Variants in CFLAR observed in about 807,000 individuals in gnomAD.
CFLAR encodes the protein CASP8 and FADD-like apoptosis regulator.
A neutral mutation model predicts 51.1 loss-of-function variants in CFLAR; 14 were observed. That is an observed-to-expected ratio of 0.27 (90% CI 0.18 to 0.43). The LOEUF (loss-of-function observed/expected upper bound fraction) is 0.43. Among genes scored for constraint, CFLAR ranks in the 20% least tolerant of loss-of-function variants. The probability of loss-of-function intolerance (pLI) is 1.00; values close to 1 mark genes in which losing one functional copy is unlikely to be tolerated. For missense variants in CFLAR, 390 were observed against 566.5 expected, an observed-to-expected ratio of 0.69 and a Z score of 3.16; for synonymous variants, 210 against 211.6, an observed-to-expected ratio of 0.99 and a Z score of 0.06.
chr2:201,168,168 G>A lies in CFLAR; in HGVS notation c.*4195G>A, dbSNP rs954510194. On this transcript the variant is annotated 3_prime_UTR_variant, in exon 10 of 10. Coordinates refer to ENST00000309955, the MANE Select transcript of CFLAR (RefSeq NM_003879.7). ...GAGGCAAGAGAACGGCATGAACCTG[G>A]GAGGTGGAGCTTGCAGCGAGCTGAG... 1 of 152,186 alleles carries A rather than the reference G, an allele frequency of 6.6e-6. No individual in the cohort carries two copies. Among genetic ancestry groups the A allele is most frequent in the Non-Finnish European group, 1.5e-5 (1 of 68,042 alleles). The allele number at this position is 152,186 out of a possible 1,614,324, so 9.4% of individuals were successfully genotyped here.
chr2:201,141,047 A>G (rs540059076), intron 5 of CFLAR, among the ~76,000 whole-genome samples: 3 of 152,230 alleles, frequency 2.0e-5, no homozygotes, highest in Admixed American at 1.3e-4. Context: ...CCTGGCCAAC[A>G]TGGTGAAACT....
At chr2:201,151,649 T>C (rs1012074187) in intron 8 of CFLAR, among the ~76,000 whole-genome samples, 2 of 152,172 alleles carry the variant, frequency 1.3e-5, no homozygotes, top group Admixed American at 6.6e-5. Flanking sequence ...GTAATTGTCC[T>C]GTACTTCTGG....
rs1486316520 is a variant in CFLAR at position 201,124,524 on chromosome 2, A to G, written c.-137-5205A>G. ...TAGTTTTTGTATTTTTAGTAGAGACAGGGTTTTGCCATGTTGGCCAGGCTG... is the reference window on the plus strand; with the variant it reads ...TAGTTTTTGTATTTTTAGTAGAGACGGGGTTTTGCCATGTTGGCCAGGCTG... On this transcript the variant is annotated intron_variant, in intron 1 of 9. Coordinates refer to ENST00000309955, the MANE Select transcript of CFLAR (RefSeq NM_003879.7). The surrounding 1 kb of genome is among the most constrained non-coding windows in gnomAD (Gnocchi z 4.7). Among the ~76,000 whole-genome samples, 6 of 152,086 alleles carry G rather than the reference A, an allele frequency of 3.9e-5. No homozygotes were observed. Among genetic ancestry groups the G allele is most frequent in the Admixed American group, 3.9e-4 (6 of 15,254 alleles).
chr2:201,150,293 C>T (rs1941049983), intron 8 of CFLAR: 1 of 151,956 alleles, frequency 6.6e-6, no homozygotes, highest in East Asian at 1.9e-4. Context: ...GAGATCGCAC[C>T]ACCGCACTGT....
chr2:201,141,284 TA>T, intron 5 of CFLAR: 1 of 1,460,656 alleles, frequency 6.8e-7, no homozygotes. Flanking sequence ...TTATTTTTCC[TA>T]AAGGCAGCTG....
chr2:201,164,790 A>G lies in CFLAR; in HGVS notation c.*817A>G, dbSNP rs949992099. On this transcript the variant is annotated 3_prime_UTR_variant, in exon 10 of 10. Coordinates refer to ENST00000309955, the MANE Select transcript of CFLAR (RefSeq NM_003879.7). ...CAACTATACCAAATTACCATAGACCAGGTGACTTAAACAGCAGTTATTTCT... is the reference window on the plus strand; with the variant it reads ...CAACTATACCAAATTACCATAGACCGGGTGACTTAAACAGCAGTTATTTCT... 2.0e-5 allele frequency: 3 copies of G among 152,248 alleles called. No homozygotes were observed. The highest frequency in any genetic ancestry group is 4.4e-5 in the Non-Finnish European group (3 of 68,040). 9.4% of individuals were successfully genotyped at this position (152,248 alleles called of 1,614,324 possible). A position where few individuals can be genotyped will look rare whatever the true frequency, so the allele number is the denominator to read the frequency against.
intron 3 of CFLAR, among the ~76,000 whole-genome samples, chr2:201,133,685 C>T (rs1446504173): frequency 6.6e-6 from 1 of 152,022 alleles, no homozygotes; most frequent in African/African-American, 2.4e-5. Context: ...AATCCCAGCA[C>T]TTTGGGGGGC....
intron 6 of CFLAR, chr2:201,147,641 A>C (rs1940475685): frequency 6.6e-6 from 1 of 152,132 alleles, no homozygotes; most frequent in Admixed American, 6.6e-5. Flanking sequence ...AGGCCGAGAC[A>C]GGCGGATCAC....
chr2:201,175,121 A>G lies in CFLAR; in HGVS notation c.*11148A>G, dbSNP rs1263417461. On this transcript the variant is annotated 3_prime_UTR_variant, in exon 10 of 10. Transcript: ENST00000309955. ...GAATAAGCCACCTCTTGTTTAGCGT[A>G]TAGTCAAGAAGCAACCATAAATATA... 1.3e-5 allele frequency: 2 copies of G among 152,240 alleles called. No individual in the cohort carries two copies. Among genetic ancestry groups the G allele is most frequent in the Non-Finnish European group, 2.9e-5 (2 of 68,052 alleles). 9.4% of individuals were successfully genotyped at this position (152,240 alleles called of 1,614,324 possible).
chr2:201,141,517 T>G, intron 5 of CFLAR: 2 of 1,439,352 alleles, frequency 1.4e-6, no homozygotes, highest in South Asian at 1.5e-5. Flanking sequence ...GTTTAGCCCT[T>G]TCTTGTTGCT....
intron 8 of CFLAR, chr2:201,154,136 G>T: frequency 3.4e-6 from 1 of 291,490 alleles, no homozygotes; most frequent in Non-Finnish European, 6.8e-6. Context: ...TTGTTGCCCA[G>T]GTTGGAGTGC....
intron 5 of CFLAR, chr2:201,141,762 A>G (rs1559212065): frequency 2.2e-6 from 1 of 462,872 alleles, no homozygotes; most frequent in African/African-American, 2.1e-5. Flanking sequence ...AGGTATCGGA[A>G]TTGTTCTTTA....
In CFLAR at chr2:201,163,953, C is replaced by G; in HGVS notation, c.1423C>G (p.Leu475Val). 6.2e-7 allele frequency: 1 copy of G among 1,613,918 alleles called. No homozygotes were observed. The highest frequency in any genetic ancestry group is 8.5e-7 in the Non-Finnish European group (1 of 1,179,926). The change falls in exon 10 of 10, where the codon CTT (leucine) becomes GTT (valine). Residue 475 changes from leucine (L) to valine (V), a missense_variant. Leu to Val is a conservative substitution (Grantham distance 32, BLOSUM62 1). Transcript: ENST00000309955. ...VWLQHTLRKK[L>V]ILSYT is the part of the protein sequence containing the mutation. ...GCTGCAGCACACTCTGAGAAAGAAACTTATCCTCTCCTACACATAAGAAAC... is the reference window on the plus strand; with the variant it reads ...GCTGCAGCACACTCTGAGAAAGAAAGTTATCCTCTCCTACACATAAGAAAC...
intron 3 of CFLAR, among the ~76,000 whole-genome samples, 154 bp from the exon 4 acceptor site, chr2:201,135,818 G>A (rs563981967): frequency 8.7e-4 from 133 of 152,020 alleles, no homozygotes; most frequent in African/African-American, 2.9e-3. Context: ...TAGAGATGGG[G>A]GTCTCACTAT....
At position 201,168,845 on chromosome 2, in the gene CFLAR, A is replaced by G. The variant is rs1467233463; in HGVS notation, c.*4872A>G. On this transcript the variant is annotated 3_prime_UTR_variant, in exon 10 of 10. Coordinates refer to ENST00000309955, the MANE Select transcript of CFLAR (RefSeq NM_003879.7). Reference sequence around the variant, plus strand: ...CAATACACAAGCAGAGAGCCAAATCATGAATGAACTCCCATTCACAGTTGC... The same window carrying G: ...CAATACACAAGCAGAGAGCCAAATCGTGAATGAACTCCCATTCACAGTTGC... 1 of 152,218 alleles carries G rather than the reference A, an allele frequency of 6.6e-6. No homozygotes were observed. Among genetic ancestry groups the G allele is most frequent in the Non-Finnish European group, 1.5e-5 (1 of 68,036 alleles). The allele number at this position is 152,218 out of a possible 1,614,324, so 9.4% of individuals were successfully genotyped here.
intron 8 of CFLAR, among the ~76,000 whole-genome samples, chr2:201,156,183 T>G (rs977579401): frequency 3.9e-5 from 6 of 152,250 alleles, no homozygotes; most frequent in Non-Finnish European, 4.4e-5. Context: ...AGGGGAACTT[T>G]GTAAAACAAG....
Position 201,175,681 on chromosome 2 carries a change from C to G in CFLAR, c.*11708C>G, listed in dbSNP as rs924610581. The G allele has an allele frequency of 6.6e-6, 1 of 152,124 alleles. No homozygotes were observed. Among genetic ancestry groups the G allele is most frequent in the Non-Finnish European group, 1.5e-5 (1 of 68,028 alleles). 9.4% of individuals were successfully genotyped at this position (152,124 alleles called of 1,614,324 possible). A position where few individuals can be genotyped will look rare whatever the true frequency, so the allele number is the denominator to read the frequency against. On this transcript the variant is annotated 3_prime_UTR_variant, in exon 10 of 10. Transcript: ENST00000309955. Reference sequence around the variant, plus strand: ...CTTAACGGAAGTTGTTACTGGTGGACGGTATCCAAGTTACTGGTGGTAAAT... The same window carrying G: ...CTTAACGGAAGTTGTTACTGGTGGAGGGTATCCAAGTTACTGGTGGTAAAT...
rs2125784399 is a variant in CFLAR, at chr2:201,141,548, A to G, written c.606+1109A>G. 5 of 1,310,898 alleles carry G rather than the reference A, an allele frequency of 3.8e-6. No individual in the cohort carries two copies. In the East Asian group the frequency reaches 8.7e-5, roughly 23 times the overall value. 81.2% of individuals were successfully genotyped at this position (1,310,898 alleles called of 1,614,324 possible). Reference sequence around the variant, plus strand: ...TTGCTGTATGTTTAGATGCTTTCCAATCTTTTGTTACTACTAATAATGCTA... The same window carrying G: ...TTGCTGTATGTTTAGATGCTTTCCAGTCTTTTGTTACTACTAATAATGCTA... On this transcript the variant is annotated intron_variant, in intron 5 of 9. Coordinates refer to ENST00000309955, the MANE Select transcript of CFLAR (RefSeq NM_003879.7).
Position 201,130,137 on chromosome 2 carries a change from C to G in CFLAR, c.272C>G (p.Ser91Trp). The change falls in exon 2 of 10, where the codon TCG becomes TGG. Residue 91 changes from serine (S) to tryptophan (W), a missense_variant. This residue lies in a region of CFLAR where 103 missense variants were observed against 202.9 expected (regional missense o/e 0.51). Transcript: ENST00000309955. Reference sequence around the variant, plus strand: ...CTGCTCAGGAACCCTCACCTTGTTTCGGACTATAGGTAATTCATCAACTCT... The same window carrying G: ...CTGCTCAGGAACCCTCACCTTGTTTGGGACTATAGGTAATTCATCAACTCT... ...THLLRNPHLV[S>W]DYRVLMAEIG... 1 of 1,279,416 alleles carries G rather than the reference C, an allele frequency of 7.8e-7. No homozygotes were observed. Among genetic ancestry groups the G allele is most frequent in the Non-Finnish European group, 1.0e-6 (1 of 976,804 alleles). 79.3% of individuals were successfully genotyped at this position (1,279,416 alleles called of 1,614,324 possible).
Sources: allele counts gnomAD v4.1 joint callset (sites outside exome capture counted in the v4.1 genomes callset), GRCh38; gene constraint gnomAD v4.1.1; regional missense constraint gnomAD v4.1.1; non-coding constraint Gnocchi (gnomAD v3.1); transcripts MANE v1.5; gene names NCBI Gene and HGNC (gene_info 2026-07-23, HGNC 2026-07-21).